The following DCAF6 variants were observed in gnomAD, a reference collection of about 807,000 sequenced individuals.
The protein encoded by DCAF6 is DDB1 and CUL4 associated factor 6.
A neutral mutation model predicts 125.1 loss-of-function variants in DCAF6; 54 were observed. The observed-to-expected ratio is 0.43, with a 90% CI of 0.35 to 0.54. The LOEUF (loss-of-function observed/expected upper bound fraction) is 0.54. Ranked by LOEUF, DCAF6 falls within the 20% of genes least tolerant of loss-of-function variation. The pLI, the probability that DCAF6 is intolerant of heterozygous loss-of-function variation, is 0.01. For synonymous variants in DCAF6, 371 were observed against 390.4 expected, an observed-to-expected ratio of 0.95 and a Z score of 0.58; for missense variants, 934 against 1,161.7, an observed-to-expected ratio of 0.80 and a Z score of 2.85.
chr1:167,933,092 A>C (rs1448567199), upstream of DCAF6, among the ~76,000 whole-genome samples: 1 of 152,082 alleles, frequency 6.6e-6, no homozygotes, highest in Non-Finnish European at 1.5e-5. Context: ...GGATAATGAG[A>C]GCCTCAAAAT....
chr1:168,053,407 C>T (rs1408814238), intron 17 of DCAF6, among the ~76,000 whole-genome samples: 1 of 152,116 alleles, frequency 6.6e-6, no homozygotes, highest in South Asian at 2.1e-4. Flanking sequence ...TTCTCTGCTT[C>T]CTAAAACTTG....
intron 7 of DCAF6, among the ~76,000 whole-genome samples, chr1:167,996,157 C>A (rs1476626436): frequency 2.0e-5 from 3 of 151,996 alleles, no homozygotes; most frequent in Non-Finnish European, 2.9e-5. Flanking sequence ...TTTCTATTTC[C>A]TTACCGCCTC....
intron 3 of DCAF6, among the ~76,000 whole-genome samples, chr1:167,968,886 A>G (rs955270496): frequency 1.3e-5 from 2 of 152,214 alleles, no homozygotes; most frequent in African/African-American, 4.8e-5. Flanking sequence ...AGAGGAAATA[A>G]TTTGATAAGT....
Position 168,075,567 on chromosome 1 carries a change from C to CCTAA in DCAF6, c.*134_*137dup. On this transcript the variant is annotated 3_prime_UTR_variant, in exon 22 of 22. Coordinates refer to ENST00000367840, the MANE Select transcript of DCAF6 (RefSeq NM_001198956.2). Reference sequence around the variant, plus strand: ...GAGTTTTTCCCTTTTTTTGGGATAACCTAACATTGGTTTGGAATGATTGTG... The same window carrying CCTAA: ...GAGTTTTTCCCTTTTTTTGGGATAACCTAACTAACATTGGTTTGGAATGATTGTG... 1.4e-6 allele frequency: 1 copy of CCTAA among 716,740 alleles called. No homozygotes were observed. The highest frequency in any genetic ancestry group is 3.0e-5 in the East Asian group (1 of 33,638). 44.4% of individuals were successfully genotyped at this position (716,740 alleles called of 1,614,324 possible). A position where few individuals can be genotyped will look rare whatever the true frequency, so the allele number is the denominator to read the frequency against.
chr1:167,880,699 T>C, the DCAF6 span: 4 of 934,490 alleles, frequency 4.3e-6, no homozygotes, highest in Non-Finnish European at 7.1e-6. Flanking sequence ...CCGGCGGCAA[T>C]TTTTGGCTTC....
chr1:167,879,881 T>C, the DCAF6 span, among the ~76,000 whole-genome samples: 1 of 152,156 alleles, frequency 6.6e-6, no homozygotes, highest in Non-Finnish European at 1.5e-5. Flanking sequence ...CATCAACATA[T>C]AGCCTCCCAC....
chr1:167,942,451 C>G (rs1444808586), intron 1 of DCAF6, among the ~76,000 whole-genome samples: 1 of 152,108 alleles, frequency 6.6e-6, no homozygotes, highest in East Asian at 1.9e-4. Flanking sequence ...GTTAAATGTT[C>G]AGGTTTACCT....
chr1:167,998,677 GA>G (rs755372990), intron 7 of DCAF6: 2 of 153,436 alleles, frequency 1.3e-5, no homozygotes, highest in Non-Finnish European at 2.9e-5. Flanking sequence ...GATGAGCAAA[GA>G]AAGTGGTTTG....
chr1:168,011,842 A>G (rs996779671), intron 10 of DCAF6, among the ~76,000 whole-genome samples: 1 of 152,078 alleles, frequency 6.6e-6, no homozygotes, highest in Non-Finnish European at 1.5e-5. Flanking sequence ...GCGTGGTGGC[A>G]TGTGCCTGTA....
chr1:167,936,940 T>A lies in DCAF6; in HGVS notation c.29T>A (p.Leu10Gln), dbSNP rs1350374296. MSRGGSYPHLLWDVRKRSLG... is the reference protein window; with the variant it reads MSRGGSYPHQLWDVRKRSLG... Reference sequence around the variant, plus strand: ...TCTCGGGGTGGCTCCTACCCACACCTGTTGTGGGACGTGAGGAAAAGGTCC... The same window carrying A: ...TCTCGGGGTGGCTCCTACCCACACCAGTTGTGGGACGTGAGGAAAAGGTCC... Residue 10 changes from leucine (L) to glutamine (Q), a missense_variant, in exon 1 of 22, where the codon CTG becomes CAG. Around this residue, in one of 5 missense-constraint regions of DCAF6, gnomAD observed 309 missense variants for 381.2 expected, o/e 0.81. Coordinates refer to ENST00000367840, the MANE Select transcript of DCAF6 (RefSeq NM_001198956.2). The A allele has an allele frequency of 6.2e-7, 1 of 1,607,668 alleles. No homozygotes were observed. The highest frequency in any genetic ancestry group is 1.7e-5 in the Admixed American group (1 of 59,548).
At chr1:167,910,880 C>T in the DCAF6 span, among the ~76,000 whole-genome samples, 1 of 152,156 alleles carries the variant, frequency 6.6e-6, no homozygotes, top group Non-Finnish European at 1.5e-5. Flanking sequence ...CTAATGAAAA[C>T]AGAGGATGCT....
At chr1:167,950,491 T>G (rs1673757199) in intron 1 of DCAF6, among the ~76,000 whole-genome samples, 1 of 152,152 alleles carries the variant, frequency 6.6e-6, no homozygotes, top group Non-Finnish European at 1.5e-5. Flanking sequence ...CCCATAATTA[T>G]CCATAATTTT....
chr1:167,991,418 T>C, intron 6 of DCAF6, 79 bp downstream of exon 6: 1 of 1,361,778 alleles, frequency 7.3e-7, no homozygotes. Flanking sequence ...GTTTTAAAAT[T>C]TCTTGTTTGT....
At chr1:167,937,161 T>G (rs1384568212) in intron 1 of DCAF6, 153 bp downstream of exon 1, 2 of 647,180 alleles carry the variant, frequency 3.1e-6, no homozygotes, top group Non-Finnish European at 5.5e-6. Context: ...CCGAATTCCG[T>G]GCCGGTGCCT....
At chr1:167,924,860 G>A in the DCAF6 span, among the ~76,000 whole-genome samples, 16 of 152,102 alleles carry the variant, frequency 1.1e-4, no homozygotes, top group Non-Finnish European at 2.1e-4. Context: ...TTACACTCAA[G>A]TAACACTCTC....
intron 12 of DCAF6, among the ~76,000 whole-genome samples, chr1:168,029,219 T>G (rs1469218420): frequency 6.6e-6 from 1 of 152,258 alleles, no homozygotes. Flanking sequence ...AACTGACATT[T>G]ATTGAGTTTT....
intron 10 of DCAF6, among the ~76,000 whole-genome samples, chr1:168,005,444 GAAT>G (rs1273670026): frequency 6.6e-6 from 1 of 151,858 alleles, no homozygotes; most frequent in South Asian, 2.1e-4. Context: ...CCTAACTATG[GAAT>G]GTGCTAGTAT....
chr1:167,916,805 A>C, the DCAF6 span: 1 of 152,204 alleles, frequency 6.6e-6, no homozygotes, highest in Non-Finnish European at 1.5e-5. Flanking sequence ...TAACCTAGGA[A>C]ACACATGTGT....
At chr1:168,039,651 T>C (rs1168848994) in intron 13 of DCAF6, among the ~76,000 whole-genome samples, 2 of 147,420 alleles carry the variant, frequency 1.4e-5, no homozygotes, top group East Asian at 3.9e-4. Flanking sequence ...TGACAATATA[T>C]TAATTATTCA....
Sources: allele counts gnomAD v4.1 joint callset (sites outside exome capture counted in the v4.1 genomes callset), GRCh38; gene constraint gnomAD v4.1.1; regional missense constraint gnomAD v4.1.1; transcripts MANE v1.5; gene names NCBI Gene and HGNC (gene_info 2026-07-23, HGNC 2026-07-21).